NHS: variants seen among roughly 807,000 people sequenced by gnomAD.
The protein encoded by NHS is actin remodeling regulator NHS.
Under a neutral mutation model 72.5 loss-of-function variants are expected in NHS, and 5 were observed. That is an observed-to-expected ratio of 0.07 (90% CI 0.04 to 0.14). The LOEUF (loss-of-function observed/expected upper bound fraction) is 0.14, where lower values mean the gene tolerates loss of function less well. Ranked by LOEUF, NHS falls within the 10% of genes least tolerant of loss-of-function variation. The pLI is 1.00. For missense variants in NHS, 1,072 were observed against 1,355.7 expected (o/e 0.79, Z 3.29); for synonymous variants, 464 against 547.7 (o/e 0.85, Z 2.13).
At chrX:17,425,243 G>A (rs1047032119) in intron 1 of NHS, among the ~76,000 whole-genome samples, 2 of 111,146 alleles carry the variant, frequency 1.8e-5, no homozygotes, top group South Asian at 3.8e-4. Flanking sequence ...TCCGGTGAGC[G>A]TAGCTCAACC....
Position 17,376,079 on chromosome X carries a change from G to A in NHS, c.322G>A (p.Glu108Lys), listed in dbSNP as rs773995388. The A allele has an allele frequency of 2.4e-4, 251 of 1,067,569 alleles. No individual in the cohort carries two copies. The highest frequency in any genetic ancestry group is 8.1e-4 in the Admixed American group (20 of 24,554). 88.0% of individuals were successfully genotyped at this position (1,067,569 alleles called of 1,213,427 possible). ...GIPEAAPAAG[E>K]ASSAAAAAAV... Reference sequence around the variant, plus strand: ...CCCGGAGGCGGCGCCCGCAGCCGGCGAGGCGTCCTCGGCGGCGGCGGCGGC... The same window carrying A: ...CCCGGAGGCGGCGCCCGCAGCCGGCAAGGCGTCCTCGGCGGCGGCGGCGGC... The change falls in exon 1 of 9, where the codon GAG (glutamate) becomes AAG (lysine). Residue 108 changes from glutamate (E) to lysine (K), a missense_variant. Transcript: ENST00000676302.
intron 1 of NHS, among the ~76,000 whole-genome samples, chrX:17,544,183 ATTG>A (rs1278724411): frequency 2.7e-5 from 3 of 112,524 alleles, no homozygotes; most frequent in Middle Eastern, 4.6e-3. Context: ...TGAGATTAGA[ATTG>A]TTGTCCCCAT....
chrX:17,572,093 G>A (rs988131985), intron 1 of NHS, among the ~76,000 whole-genome samples: 1 of 111,755 alleles, frequency 8.9e-6, no homozygotes, highest in Non-Finnish European at 1.9e-5. Flanking sequence ...CAATTATGTG[G>A]TCAATTTTGG....
intron 1 of NHS, among the ~76,000 whole-genome samples, chrX:17,559,442 T>C (rs955815753): frequency 8.9e-6 from 1 of 112,049 alleles, no homozygotes; most frequent in African/African-American, 3.2e-5. Context: ...AGCTGGAACC[T>C]GGGCTAAGGC....
At chrX:17,507,936 C>T (rs1436170447) in intron 1 of NHS, among the ~76,000 whole-genome samples, 1 of 111,725 alleles carries the variant, frequency 9.0e-6, no homozygotes, top group Non-Finnish European at 1.9e-5. Context: ...GTTTACTCTG[C>T]CAGGCATAGT....
intron 1 of NHS, among the ~76,000 whole-genome samples, chrX:17,387,680 G>A (rs2064417684): frequency 8.9e-6 from 1 of 112,594 alleles, no homozygotes; most frequent in African/African-American, 3.2e-5. Flanking sequence ...GGTTAAGAGA[G>A]TAGACTCTGA....
At chrX:17,536,781 G>A (rs1456012192) in intron 1 of NHS, among the ~76,000 whole-genome samples, 2 of 112,297 alleles carry the variant, frequency 1.8e-5, no homozygotes, top group African/African-American at 3.2e-5. Context: ...TCTATAAATG[G>A]GTACTGTGTT....
intron 1 of NHS, among the ~76,000 whole-genome samples, chrX:17,545,064 G>A (rs930143013): frequency 2.7e-5 from 3 of 112,197 alleles, no homozygotes; most frequent in African/African-American, 9.7e-5. Context: ...GCTGGGCAGG[G>A]ACCTGCTGTC....
chrX:17,709,641 G>A (rs779520351), intron 3 of NHS, among the ~76,000 whole-genome samples: 6 of 111,923 alleles, frequency 5.4e-5, no homozygotes, highest in Non-Finnish European at 1.1e-4. Context: ...GCAGCAAGAA[G>A]CTAACATTCC....
chrX:17,472,709 C>T (rs930400131), intron 1 of NHS, among the ~76,000 whole-genome samples: 1 of 111,966 alleles, frequency 8.9e-6, no homozygotes. Flanking sequence ...TCCAGACCAC[C>T]ATAGACTCAG....
intron 3 of NHS, among the ~76,000 whole-genome samples, chrX:17,703,838 C>T (rs763358795): frequency 1.8e-5 from 2 of 112,000 alleles, no homozygotes; most frequent in Non-Finnish European, 3.8e-5. Context: ...ATAAACCATG[C>T]TGCAGAGGTG....
Position 17,731,918 on chromosome X carries a change from G to C in NHS, c.4410G>C (p.Ser1470=). ...DSGDMSVRSK[S]RAPLSSSSSS... is the part of the protein sequence containing the mutation. Reference sequence around the variant, plus strand: ...GGGACATGTCTGTTCGAAGCAAATCGAGAGCTCCCCTCAGCAGTAGCAGCA... The same window carrying C: ...GGGACATGTCTGTTCGAAGCAAATCCAGAGCTCCCCTCAGCAGTAGCAGCA... Residue 1470 remains serine, a synonymous_variant, in exon 9 of 9, where the codon TCG becomes TCC. Coordinates refer to ENST00000676302, the MANE Select transcript of NHS (RefSeq NM_001291867.2). The C allele has an allele frequency of 8.3e-7, 1 of 1,210,287 alleles. No homozygotes were observed. The highest frequency in any genetic ancestry group is 1.8e-5 in the South Asian group (1 of 56,813).
At position 17,376,335 on chromosome X, in the gene NHS, G is replaced by C. The variant is rs1309379263; in HGVS notation, c.565+13G>C. 7.0e-6 allele frequency: 8 copies of C among 1,141,410 alleles called. No individual in the cohort carries two copies. The South Asian group carries it at 1.1e-4, about 16-fold the overall frequency. 94.1% of individuals were successfully genotyped at this position (1,141,410 alleles called of 1,213,427 possible). A position where few individuals can be genotyped will look rare whatever the true frequency, so the allele number is the denominator to read the frequency against. On this transcript the variant is annotated intron_variant, in intron 1 of 8. Coordinates refer to ENST00000676302, the MANE Select transcript of NHS (RefSeq NM_001291867.2). ...CAGGAGGCAGTGCGTGAGTACCCGCGCCGTCCGCCCGCCAGGCTATGGGTT... is the reference window on the plus strand; with the variant it reads ...CAGGAGGCAGTGCGTGAGTACCCGCCCCGTCCGCCCGCCAGGCTATGGGTT...
Position 17,722,243 on chromosome X carries a change from C to T in NHS, c.1108+610C>T, listed in dbSNP as rs145657949. Among the ~76,000 whole-genome samples, 15 of 111,854 alleles carry T rather than the reference C, an allele frequency of 1.3e-4. No individual in the cohort carries two copies. In the East Asian group the frequency reaches 4.2e-3, roughly 31 times the overall value. ...TAGTCTAGATAGAATGGAAGCATAG[C>T]CAGACCTTTCTGAAAAATTTATTGG... On this transcript the variant is annotated intron_variant, in intron 5 of 8. Coordinates refer to ENST00000676302, the MANE Select transcript of NHS (RefSeq NM_001291867.2).
chrX:17,650,136 GA>G (rs2065924149), intron 1 of NHS, among the ~76,000 whole-genome samples: 2 of 112,680 alleles, frequency 1.8e-5, no homozygotes, highest in African/African-American at 6.5e-5. Flanking sequence ...AGTAGAGCTA[GA>G]ATTGGGATCC....
chrX:17,643,901 T>C (rs1286248067), intron 1 of NHS, among the ~76,000 whole-genome samples: 1 of 111,894 alleles, frequency 8.9e-6, no homozygotes, highest in Non-Finnish European at 1.9e-5. Flanking sequence ...TGTTGGCAGG[T>C]CAGCATGAAG....
Position 17,375,256 on chromosome X carries a change from A to C in NHS, c.-502A>C, listed in dbSNP as rs2064339494. On this transcript the variant is annotated 5_prime_UTR_variant, in exon 1 of 9. Transcript: ENST00000676302. ...AGCCAGGGAGAGAGATCCCGGGCGC[A>C]ATCGCTCCCCGGAGCGGCCGAGGGG... 8.9e-6 allele frequency among the ~76,000 whole-genome samples: 1 copy of C among 112,010 alleles called. No homozygotes were observed. The highest frequency in any genetic ancestry group is 3.2e-5 in the African/African-American group (1 of 30,816).
intron 4 of NHS, among the ~76,000 whole-genome samples, chrX:17,720,720 T>G (rs1268817218): frequency 8.9e-6 from 1 of 112,328 alleles, no homozygotes; most frequent in Non-Finnish European, 1.9e-5. Context: ...ACCACAAAGC[T>G]GAAAAGAAAG....
At chrX:17,537,479 A>G (rs975988180) in intron 1 of NHS, among the ~76,000 whole-genome samples, 1 of 112,818 alleles carries the variant, frequency 8.9e-6, no homozygotes, top group South Asian at 3.6e-4. Flanking sequence ...AGATAAGGAC[A>G]GGGTCCTGCC....
Sources: gnomAD v4.1 joint callset for allele counts (sites outside exome capture counted in the v4.1 genomes callset) on GRCh38, gnomAD v4.1.1 for gene constraint, MANE v1.5 for transcripts, NCBI Gene and HGNC (gene_info 2026-07-23, HGNC 2026-07-21) for gene names.